Variants in FAM174B observed in about 807,000 individuals in gnomAD.
FAM174B encodes membrane protein FAM174B.
FAM174B carries 12 observed loss-of-function variants against 10.9 expected under a neutral mutation model. That is an observed-to-expected ratio of 1.10 (90% CI 0.71 to 1.79). The LOEUF (loss-of-function observed/expected upper bound fraction) is 1.79, where lower values mean the gene tolerates loss of function less well. Among genes scored for constraint, FAM174B ranks in the 40% most tolerant of loss-of-function variants. FAM174B has a pLI of 0.00. For synonymous variants in FAM174B, 132 were observed against 115.8 expected (o/e 1.14, Z -0.90); for missense variants, 266 against 233.3 (o/e 1.14, Z -0.91).
At chr15:92,648,125 T>G (rs1199283393) in intron 1 of FAM174B, among the ~76,000 whole-genome samples, 1 of 152,194 alleles carries the variant, frequency 6.6e-6, no homozygotes, top group Non-Finnish European at 1.5e-5. Context: ...AAACCATCCA[T>G]ATATTGATTC....
intron 1 of FAM174B, among the ~76,000 whole-genome samples, chr15:92,654,114 C>T (rs1354943407): frequency 2.0e-5 from 3 of 152,194 alleles, no homozygotes; most frequent in Non-Finnish European, 4.4e-5. Flanking sequence ...TTTCTCAGAC[C>T]ACTGGCATCT....
chr15:92,654,111 G>C (rs2050985086), intron 1 of FAM174B, among the ~76,000 whole-genome samples: 1 of 152,208 alleles, frequency 6.6e-6, no homozygotes, highest in Non-Finnish European at 1.5e-5. Flanking sequence ...CATTTTCTCA[G>C]ACCACTGGCA....
At chr15:92,635,647 CT>C (rs2050851260) in intron 1 of FAM174B, among the ~76,000 whole-genome samples, 1 of 147,640 alleles carries the variant, frequency 6.8e-6, no homozygotes, top group Non-Finnish European at 1.5e-5. Flanking sequence ...GTGGCACAAT[CT>C]TGGCTAACTG....
rs529679266 is a variant in FAM174B, at chr15:92,647,276, G to A, written c.344+8040C>T. On this transcript the variant is annotated intron_variant, in intron 1 of 2. Coordinates refer to ENST00000327355, the MANE Select transcript of FAM174B (RefSeq NM_207446.3). ...CCTCTTCTTCCTCCCATCCTGCCAA[G>A]TCCTAATCGTCCTCCTCCTCCACCA... is the stretch of plus-strand genomic sequence containing the variant. Among the ~76,000 whole-genome samples the A allele has an allele frequency of 2.6e-5, 4 of 152,224 alleles. No individual in the cohort carries two copies. The South Asian group carries it at 8.3e-4, about 32-fold the overall frequency.
rs1435794067 is a variant in FAM174B at position 92,635,146 on chromosome 15, GCTCA to G, written c.345-4805_345-4802del. Among the ~76,000 whole-genome samples, 254 of 121,780 alleles carry G rather than the reference GCTCA, an allele frequency of 2.1e-3. 1 individual carries two copies. The highest frequency in any genetic ancestry group is 7.3e-3 in the African/African-American group (237 of 32,528). The allele number at this position is 121,780 out of a possible 152,430, so 79.9% of individuals were successfully genotyped here. On this transcript the variant is annotated intron_variant, in intron 1 of 2. Coordinates refer to ENST00000327355, the MANE Select transcript of FAM174B (RefSeq NM_207446.3). Reference sequence around the variant, plus strand: ...TCTCTCTCTCTCTCTCCTCTCTTTCGCTCACTATCTCTCCACACACACCCACACA... The same window carrying G: ...TCTCTCTCTCTCTCTCCTCTCTTTCGCTATCTCTCCACACACACCCACACA...
chr15:92,625,086 T>A (rs1021563929), intron 2 of FAM174B, among the ~76,000 whole-genome samples: 1 of 152,162 alleles, frequency 6.6e-6, no homozygotes, highest in African/African-American at 2.4e-5. Flanking sequence ...TGGTTAGCTA[T>A]CATTTCTTCT....
rs200954392 is a variant in FAM174B, at chr15:92,655,277, G to C, written c.344+39C>G. On this transcript the variant is annotated intron_variant, in intron 1 of 2. Transcript: ENST00000327355. ...GACAGCAGGTTGGCGATGCCGCCCT[G>C]TCGGCCGGCGGGGGAAGGAAGAGGG... The C allele has an allele frequency of 4.7e-4, 702 of 1,499,190 alleles. 2 individuals are homozygous for C. In the African/African-American group the frequency reaches 9.3e-3, roughly 20 times the overall value. 92.9% of individuals were successfully genotyped at this position (1,499,190 alleles called of 1,614,324 possible).
intron 1 of FAM174B, among the ~76,000 whole-genome samples, chr15:92,635,134 CTCCTCT>C (rs2050845690): frequency 1.4e-5 from 2 of 145,488 alleles, no homozygotes; most frequent in South Asian, 4.5e-4. Context: ...CTCTCTCTCT[CTCCTCT>C]CTTTCGCTCA....
intron 2 of FAM174B, among the ~76,000 whole-genome samples, chr15:92,624,101 C>A (rs1475362421): frequency 6.6e-6 from 1 of 152,186 alleles, no homozygotes; most frequent in Non-Finnish European, 1.5e-5. Flanking sequence ...CCGCAGGCTG[C>A]CAATATTGCT....
chr15:92,639,946 T>C (rs565216997), intron 1 of FAM174B, among the ~76,000 whole-genome samples: 2 of 152,126 alleles, frequency 1.3e-5, no homozygotes, highest in African/African-American at 4.8e-5. Context: ...AACAGACTAA[T>C]ACACAGTGGC....
Position 92,630,714 on chromosome 15 carries a change from ATATTTTT to A in FAM174B, c.345-376_345-370del, listed in dbSNP as rs1193914712. Among the ~76,000 whole-genome samples, 11 of 130,418 alleles carry A rather than the reference ATATTTTT, an allele frequency of 8.4e-5. No homozygotes were observed. The South Asian group carries it at 1.8e-3, about 22-fold the overall frequency. The allele number at this position is 130,418 out of a possible 152,430, so 85.6% of individuals were successfully genotyped here. The stretch of plus-strand genomic sequence containing the variant: ...TTTTATATATATATTATATAATTAT[ATATTTTT>A]TATATTATATAATTATATATTTTTT... On this transcript the variant is annotated intron_variant, in intron 1 of 2. Coordinates refer to ENST00000327355, the MANE Select transcript of FAM174B (RefSeq NM_207446.3).
intron 2 of FAM174B, 32 bp downstream of exon 2, chr15:92,630,182 C>G: frequency 6.2e-7 from 1 of 1,609,056 alleles, no homozygotes; most frequent in Non-Finnish European, 8.5e-7. Flanking sequence ...CTGCCCCAAG[C>G]CCAGGAGGAA....
At chr15:92,636,931 C>T (rs1431696724) in intron 1 of FAM174B, among the ~76,000 whole-genome samples, 1 of 152,258 alleles carries the variant, frequency 6.6e-6, no homozygotes, top group Admixed American at 6.5e-5. Flanking sequence ...ATATTCCACA[C>T]TAATCTGGAC....
intron 1 of FAM174B, among the ~76,000 whole-genome samples, chr15:92,638,697 G>C (rs948843497): frequency 6.6e-6 from 1 of 152,152 alleles, no homozygotes; most frequent in Non-Finnish European, 1.5e-5. Flanking sequence ...GTGTGGTCCG[G>C]GTTCTGATGA....
At chr15:92,631,426 TAATATA>T in intron 1 of FAM174B, among the ~76,000 whole-genome samples, 1 of 57,438 alleles carries the variant, frequency 1.7e-5, no homozygotes, top group South Asian at 4.0e-4. Flanking sequence ...ATATAATATA[TAATATA>T]ATATATTATA....
rs1428479050 is a variant in FAM174B, at chr15:92,630,102, G to T, written c.476+112C>A. ...GTCTCTCCACGTGCAGAACACCCCA[G>T]GACCCAACACTTCACTAAAAAACAA... On this transcript the variant is annotated intron_variant, in intron 2 of 2. Coordinates refer to ENST00000327355, the MANE Select transcript of FAM174B (RefSeq NM_207446.3). The T allele has an allele frequency of 5.5e-6, 6 of 1,084,178 alleles. No homozygotes were observed. The East Asian group carries it at 1.4e-4, about 26-fold the overall frequency. 67.2% of individuals were successfully genotyped at this position (1,084,178 alleles called of 1,614,324 possible).
Position 92,630,337 on chromosome 15 carries a change from T to C in FAM174B, c.353A>G (p.Lys118Arg), listed in dbSNP as rs760104335. The change falls in exon 2 of 3, where the codon AAG (lysine) becomes AGG (arginine). Residue 118 changes from lysine to arginine, a missense_variant. Lys to Arg is a conservative substitution (Grantham distance 26). Transcript: ENST00000327355. The part of the protein sequence containing the change: ...CLLLRVFRSG[K>R]RLKKTRKYDI... ...ATACTTGCGTGTCTTCTTTAACCTC[T>C]TTCCCGACCTGCAGGAGAAGAAGCA... 5 of 1,611,524 alleles carry C rather than the reference T, an allele frequency of 3.1e-6. No homozygotes were observed. Among genetic ancestry groups the C allele is most frequent in the Non-Finnish European group, 1.7e-6 (2 of 1,178,630 alleles).
chr15:92,637,266 TTGA>T (rs1245242260), intron 1 of FAM174B, among the ~76,000 whole-genome samples: 1 of 152,244 alleles, frequency 6.6e-6, no homozygotes, highest in East Asian at 1.9e-4. Flanking sequence ...CCCACTGGCC[TTGA>T]GGCCCAGATG....
chr15:92,628,191 G>T (rs983830849), intron 2 of FAM174B, among the ~76,000 whole-genome samples: 1 of 151,262 alleles, frequency 6.6e-6, no homozygotes, highest in Non-Finnish European at 1.5e-5. Context: ...TTGAGATGGG[G>T]TCTTCCTCTG....
Sources: gnomAD v4.1 joint callset for allele counts (sites outside exome capture counted in the v4.1 genomes callset) on GRCh38, gnomAD v4.1.1 for gene constraint, MANE v1.5 for transcripts, NCBI Gene and HGNC (gene_info 2026-07-23, HGNC 2026-07-21) for gene names.